The following MBOAT1 variants were observed in gnomAD, a reference collection of about 807,000 sequenced individuals.
MBOAT1 encodes membrane-bound glycerophospholipid O-acyltransferase 1.
Under a neutral mutation model 64.4 loss-of-function variants are expected in MBOAT1, and 67 were observed. That is an observed-to-expected ratio of 1.04 (90% CI 0.85 to 1.27). The LOEUF is 1.27. Ranked by LOEUF, MBOAT1 falls within the 50% of genes most tolerant of loss-of-function variation. The pLI, the probability that MBOAT1 is intolerant of heterozygous loss-of-function variation, is 0.00. For synonymous variants in MBOAT1, 229 were observed against 218.9 expected (o/e 1.05, Z -0.41); for missense variants, 563 against 604.6 (o/e 0.93, Z 0.72).
chr6:20,198,984 T>C (rs1446012010), intron 1 of MBOAT1, among the ~76,000 whole-genome samples: 1 of 152,240 alleles, frequency 6.6e-6, no homozygotes, highest in Non-Finnish European at 1.5e-5. Context: ...ACCTACATAC[T>C]AGTGTCAATC....
intron 3 of MBOAT1, among the ~76,000 whole-genome samples, chr6:20,146,033 C>T (rs774377250): frequency 6.6e-6 from 1 of 152,202 alleles, no homozygotes; most frequent in African/African-American, 2.4e-5. Flanking sequence ...TGACCTTGAA[C>T]GTCCCCACCC....
Position 20,099,809 on chromosome 6 carries a change from T to C in MBOAT1, c.*2477A>G, listed in dbSNP as rs1759742596. Among the ~76,000 whole-genome samples, 1 of 152,206 alleles carries C rather than the reference T, an allele frequency of 6.6e-6. No homozygotes were observed. Among genetic ancestry groups the C allele is most frequent in the Admixed American group, 6.5e-5 (1 of 15,274 alleles). On this transcript the variant is annotated 3_prime_UTR_variant, in exon 13 of 13. Transcript: ENST00000324607. ...AGGACAACTTGGAAATCTAAGGTAA[T>C]AAAAACAGTCCCAACCTTCCGTCTA...
chr6:20,120,957 T>A, intron 8 of MBOAT1, among the ~76,000 whole-genome samples: 1 of 152,226 alleles, frequency 6.6e-6, no homozygotes, highest in East Asian at 1.9e-4. Flanking sequence ...TCCAATCTAT[T>A]ATTACAGATA....
At chr6:20,168,540 G>A (rs1455665545) in intron 1 of MBOAT1, among the ~76,000 whole-genome samples, 2 of 142,544 alleles carry the variant, frequency 1.4e-5, no homozygotes, top group Non-Finnish European at 3.1e-5. Context: ...GAGGAGAGGA[G>A]AGGAGAGGGA....
At position 20,111,401 on chromosome 6, in the gene MBOAT1, G is replaced by A. The variant is rs563351978; in HGVS notation, c.1209+1475C>T. Among the ~76,000 whole-genome samples, 4 of 152,264 alleles carry A rather than the reference G, an allele frequency of 2.6e-5. No homozygotes were observed. In the South Asian group the frequency reaches 6.2e-4, roughly 24 times the overall value. ...TTTTACTGGGTCATTTCTAGGGCCC[G>A]AAGACACTTTATGACTGTTGAGTTC... is the stretch of plus-strand genomic sequence containing the variant. On this transcript the variant is annotated intron_variant, in intron 11 of 12. Coordinates refer to ENST00000324607, the MANE Select transcript of MBOAT1 (RefSeq NM_001080480.3).
At chr6:20,112,548 C>T (rs1045565845) in intron 11 of MBOAT1, among the ~76,000 whole-genome samples, 1 of 152,136 alleles carries the variant, frequency 6.6e-6, no homozygotes, top group Non-Finnish European at 1.5e-5. Flanking sequence ...AATTAATAAT[C>T]ATCATCATCT....
intron 1 of MBOAT1, among the ~76,000 whole-genome samples, chr6:20,207,938 G>T (rs1010572411): frequency 1.3e-5 from 2 of 152,142 alleles, no homozygotes; most frequent in Non-Finnish European, 2.9e-5. Context: ...TGCAGGATGG[G>T]GACCTTGATT....
At chr6:20,109,885 T>C (rs1330673832) in intron 11 of MBOAT1, 136 bp from the exon 12 acceptor site, 1 of 402,770 alleles carries the variant, frequency 2.5e-6, no homozygotes, top group Non-Finnish European at 4.2e-6. Context: ...TATTTTCGAC[T>C]ACAAATACCA....
At chr6:20,119,039 G>T (rs1315154623) in intron 8 of MBOAT1, among the ~76,000 whole-genome samples, 2 of 152,152 alleles carry the variant, frequency 1.3e-5, no homozygotes, top group Non-Finnish European at 2.9e-5. Context: ...AACCGGCTCC[G>T]CAAGAGTGAT....
chr6:20,161,308 C>T (rs1761850845), intron 1 of MBOAT1, among the ~76,000 whole-genome samples: 1 of 151,842 alleles, frequency 6.6e-6, no homozygotes, highest in Non-Finnish European at 1.5e-5. Context: ...AAGCTCAGGG[C>T]TCCCTCTAAC....
intron 1 of MBOAT1, among the ~76,000 whole-genome samples, chr6:20,194,871 C>T (rs753938848): frequency 2.0e-5 from 3 of 152,034 alleles, no homozygotes; most frequent in African/African-American, 2.4e-5. Context: ...TTATTTATAT[C>T]GGTATGAACT....
Position 20,151,290 on chromosome 6 carries a change from G to T in MBOAT1, c.246-28C>A, listed in dbSNP as rs773856509. Reference sequence around the variant, plus strand: ...TTAAGACATAATAGTAGGGGGAGGAGTAATGAATATATTTCATATTAACAC... The same window carrying T: ...TTAAGACATAATAGTAGGGGGAGGATTAATGAATATATTTCATATTAACAC... On this transcript the variant is annotated intron_variant, in intron 2 of 12. Transcript: ENST00000324607. 7 of 1,508,394 alleles carry T rather than the reference G, an allele frequency of 4.6e-6. No homozygotes were observed. The Admixed American group carries it at 6.7e-5, about 15-fold the overall frequency. The allele number at this position is 1,508,394 out of a possible 1,614,324, so 93.4% of individuals were successfully genotyped here.
chr6:20,204,208 T>C (rs1763195815), intron 1 of MBOAT1, among the ~76,000 whole-genome samples: 1 of 152,188 alleles, frequency 6.6e-6, no homozygotes, highest in Admixed American at 6.5e-5. Context: ...TCCCAGGAAG[T>C]TCTCCCCTAG....
chr6:20,158,614 G>GA (rs1468353531), intron 1 of MBOAT1, among the ~76,000 whole-genome samples: 1 of 152,102 alleles, frequency 6.6e-6, no homozygotes, highest in African/African-American at 2.4e-5. Flanking sequence ...TGCAATAAAG[G>GA]AAAAAATTAA....
rs765202797 is a variant in MBOAT1, at chr6:20,123,708, T to G, written c.907+700A>C. ...TAACCTAAATTAGCATGTGTGTTGG[T>G]CAAATTAATTCAAGGTGCATCCTAT... On this transcript the variant is annotated intron_variant, in intron 8 of 12. Transcript: ENST00000324607. Among the ~76,000 whole-genome samples, 6 of 151,816 alleles carry G rather than the reference T, an allele frequency of 4.0e-5. No individual in the cohort carries two copies. The South Asian group carries it at 6.2e-4, about 16-fold the overall frequency.
At chr6:20,137,128 T>C (rs1761019077) in intron 4 of MBOAT1, among the ~76,000 whole-genome samples, 1 of 152,192 alleles carries the variant, frequency 6.6e-6, no homozygotes, top group Non-Finnish European at 1.5e-5. Context: ...TATCATAGGA[T>C]ATGAACTTTA....
chr6:20,196,672 C>T (rs897223456), intron 1 of MBOAT1, among the ~76,000 whole-genome samples: 2 of 152,012 alleles, frequency 1.3e-5, no homozygotes, highest in African/African-American at 4.8e-5. Context: ...ACCAGCCTGG[C>T]CAACATGGTG....
intron 1 of MBOAT1, among the ~76,000 whole-genome samples, chr6:20,157,844 C>T (rs181611103): frequency 8.4e-4 from 128 of 151,972 alleles, no homozygotes; most frequent in African/African-American, 3.0e-3. Context: ...AGAGTAACAA[C>T]GTGGGTGGCC....
Position 20,109,861 on chromosome 6 carries a change from C to T in MBOAT1, c.1210-112G>A, listed in dbSNP as rs557811908. 5.5e-6 allele frequency: 5 copies of T among 908,902 alleles called. No individual in the cohort carries two copies. In the South Asian group the frequency reaches 1.0e-4, roughly 18 times the overall value. The allele number at this position is 908,902 out of a possible 1,614,324, so 56.3% of individuals were successfully genotyped here. A position where few individuals can be genotyped will look rare whatever the true frequency, so the allele number is the denominator to read the frequency against. On this transcript the variant is annotated intron_variant, in intron 11 of 12. Transcript: ENST00000324607. ...AGGAACATGGGCTACAGAAGATAACCAACATCTGAGTTGTATTTTCGACTA... is the reference window on the plus strand; with the variant it reads ...AGGAACATGGGCTACAGAAGATAACTAACATCTGAGTTGTATTTTCGACTA...
Sources: allele counts gnomAD v4.1 joint callset (sites outside exome capture counted in the v4.1 genomes callset), GRCh38; gene constraint gnomAD v4.1.1; transcripts MANE v1.5; gene names NCBI Gene and HGNC (gene_info 2026-07-23, HGNC 2026-07-21).